The following CLNK variants were observed in gnomAD, a reference collection of about 807,000 sequenced individuals.
CLNK encodes the protein cytokine dependent hematopoietic cell linker.
In CLNK, 74 loss-of-function variants were observed where a neutral mutation model predicts 68.6. That is an observed-to-expected ratio of 1.08 (90% CI 0.89 to 1.31). CLNK has a LOEUF of 1.31. CLNK is among the 50% of genes most tolerant of loss of function. CLNK has a pLI of 0.00. For synonymous variants in CLNK, 198 were observed against 172.2 expected (o/e 1.15, Z -1.17); for missense variants, 553 against 515.3 (o/e 1.07, Z -0.71).
Position 10,513,476 on chromosome 4 carries a change from C to A in CLNK, c.894G>T (p.Arg298Ser), listed in dbSNP as rs368343154. 10 of 1,611,392 alleles carry A rather than the reference C, an allele frequency of 6.2e-6. No homozygotes were observed. The South Asian group carries it at 1.0e-4, about 16-fold the overall frequency. The part of the protein sequence containing the change: ...YTSWRPPFPK[R>S]SDRKDVQHNE... ...AGTGTCTGCTTACCTTTCTATCAGA[C>A]CTTTTGGGGAAAGGTGGTCTCCAGC... is the stretch of plus-strand genomic sequence containing the variant. Residue 298 changes from arginine to serine, a missense_variant, in exon 16 of 19, where the codon AGG (arginine) becomes AGT (serine). By Grantham distance (110) the Arg-to-Ser change is moderately radical (BLOSUM62 -1). Transcript: ENST00000226951.
chr4:10,657,016 T>G (rs1449970774), intron 2 of CLNK, among the ~76,000 whole-genome samples: 2 of 152,202 alleles, frequency 1.3e-5, no homozygotes, highest in African/African-American at 4.8e-5. Flanking sequence ...TTTAAATGTC[T>G]TATACAAATT....
chr4:10,629,464 T>C lies in CLNK; in HGVS notation c.12-31415A>G, dbSNP rs185077452. Among the ~76,000 whole-genome samples, 8 of 152,190 alleles carry C rather than the reference T, an allele frequency of 5.3e-5. No homozygotes were observed. The East Asian group carries it at 1.5e-3, about 29-fold the overall frequency. ...GTCAAGGCCATGGGGTGTTCACAGATGAGGCCCCCTGATATTTACATGTCT... is the reference window on the plus strand; with the variant it reads ...GTCAAGGCCATGGGGTGTTCACAGACGAGGCCCCCTGATATTTACATGTCT... On this transcript the variant is annotated intron_variant, in intron 2 of 18. Coordinates refer to ENST00000226951, the MANE Select transcript of CLNK (RefSeq NM_052964.4).
intron 1 of CLNK, among the ~76,000 whole-genome samples, chr4:10,682,569 A>G (rs1725134214): frequency 1.3e-5 from 2 of 152,204 alleles, no homozygotes; most frequent in South Asian, 2.1e-4. Flanking sequence ...TCTTCCTCCC[A>G]GTTTCAAATT....
At chr4:10,618,014 C>A (rs1256080712) in intron 2 of CLNK, among the ~76,000 whole-genome samples, 5 of 152,108 alleles carry the variant, frequency 3.3e-5, no homozygotes, top group Non-Finnish European at 7.4e-5. Flanking sequence ...CCCAGTAATA[C>A]CACTCTTAGG....
the CLNK span, among the ~76,000 whole-genome samples, chr4:10,699,293 C>CACACACACCACATACGTGTGT: frequency 0.017 from 266 of 15,660 alleles, 19 homozygotes; most frequent in East Asian, 0.071. Flanking sequence ...TACGTGTATA[C>CACACACACCACATACGTGTGT]ACACACACAC....
At chr4:10,638,310 C>G (rs1723175857) in intron 2 of CLNK, among the ~76,000 whole-genome samples, 1 of 152,180 alleles carries the variant, frequency 6.6e-6, no homozygotes, top group South Asian at 2.1e-4. Flanking sequence ...TTGTGTGCAT[C>G]CAGATGCTTT....
At chr4:10,690,162 A>G in the CLNK span, among the ~76,000 whole-genome samples, 7 of 152,118 alleles carry the variant, frequency 4.6e-5, no homozygotes, top group African/African-American at 1.4e-4. Flanking sequence ...TGGCATTCAA[A>G]CACATCTGGT....
chr4:10,671,036 G>A (rs555213323), intron 1 of CLNK, among the ~76,000 whole-genome samples: 3 of 152,330 alleles, frequency 2.0e-5, no homozygotes, highest in African/African-American at 7.2e-5. Context: ...GCACTTTATT[G>A]TATAAGAGTT....
chr4:10,644,032 G>C (rs532942217), intron 2 of CLNK, among the ~76,000 whole-genome samples: 1 of 152,228 alleles, frequency 6.6e-6, no homozygotes, highest in African/African-American at 2.4e-5. Context: ...TGGGGCAAGG[G>C]GGCAAGAAGG....
intron 13 of CLNK, among the ~76,000 whole-genome samples, chr4:10,527,632 T>G (rs953930): frequency 0.033 from 5,099 of 152,330 alleles, 104 homozygotes; most frequent in Middle Eastern, 0.065. Context: ...ACTGTTGGAT[T>G]GCATGCTTGC....
chr4:10,525,978 C>A, intron 13 of CLNK, 56 bp from the exon 14 acceptor site: 2 of 970,868 alleles, frequency 2.1e-6, no homozygotes, highest in South Asian at 1.5e-5. Context: ...TAATTGAGAA[C>A]CATTAGAAGC....
At chr4:10,586,587 A>G (rs1655108639) in intron 3 of CLNK, among the ~76,000 whole-genome samples, 1 of 152,126 alleles carries the variant, frequency 6.6e-6, no homozygotes, top group Non-Finnish European at 1.5e-5. Context: ...TGCTGGGATT[A>G]CAGGCTTGAG....
chr4:10,570,591 G>T lies in CLNK; in HGVS notation c.150+1150C>A, dbSNP rs377413623. Among the ~76,000 whole-genome samples the T allele has an allele frequency of 9.9e-5, 15 of 152,124 alleles. 1 individual carries two copies. The East Asian group carries it at 2.5e-3, about 25-fold the overall frequency. ...TGTGTATGTATATGTGTGTTTGTAT[G>T]TTTCTGGGTAAGGGTCCATAAGCTT... On this transcript the variant is annotated intron_variant, in intron 5 of 18. Coordinates refer to ENST00000226951, the MANE Select transcript of CLNK (RefSeq NM_052964.4).
the CLNK span, among the ~76,000 whole-genome samples, chr4:10,703,254 C>T: frequency 2.0e-5 from 3 of 152,112 alleles, no homozygotes; most frequent in Non-Finnish European, 4.4e-5. Context: ...CACTAAAGAA[C>T]ACTAACTACA....
At chr4:10,589,342 C>CT in intron 3 of CLNK, among the ~76,000 whole-genome samples, 1 of 152,124 alleles carries the variant, frequency 6.6e-6, no homozygotes, top group East Asian at 1.9e-4. Context: ...CAACGTAGAC[C>CT]GCAGAGTTCT....
At chr4:10,700,070 G>C in the CLNK span, among the ~76,000 whole-genome samples, 14 of 151,326 alleles carry the variant, frequency 9.3e-5, no homozygotes, top group African/African-American at 3.4e-4. Context: ...GGAGAACCCT[G>C]ATACACTCAT....
chr4:10,596,465 T>C (rs1462865798), intron 3 of CLNK, among the ~76,000 whole-genome samples: 1 of 152,194 alleles, frequency 6.6e-6, no homozygotes, highest in African/African-American at 2.4e-5. Flanking sequence ...TGCCCATAAG[T>C]AGCTTCTTCC....
chr4:10,693,709 G>A, the CLNK span, among the ~76,000 whole-genome samples: 5 of 152,204 alleles, frequency 3.3e-5, no homozygotes, highest in African/African-American at 1.2e-4. Context: ...CAACTCTGAT[G>A]CATCATTGCT....
At chr4:10,657,163 A>G (rs775101139) in intron 2 of CLNK, among the ~76,000 whole-genome samples, 3 of 152,226 alleles carry the variant, frequency 2.0e-5, no homozygotes, top group Non-Finnish European at 4.4e-5. Context: ...CCAGTTATCA[A>G]AACTCGGCAG....
Sources: allele counts gnomAD v4.1 joint callset (sites outside exome capture counted in the v4.1 genomes callset), GRCh38; gene constraint gnomAD v4.1.1; transcripts MANE v1.5; gene names NCBI Gene and HGNC (gene_info 2026-07-23, HGNC 2026-07-21).